Variants in CDHR5 observed in about 807,000 individuals in gnomAD.
CDHR5 encodes cadherin-related family member 5.
CDHR5 carries 82 observed loss-of-function variants against 69.5 expected under a neutral mutation model. The observed-to-expected ratio is 1.18, with a 90% CI of 0.99 to 1.42. CDHR5 has a LOEUF of 1.42. CDHR5 is among the 40% of genes most tolerant of loss of function. The pLI, the probability that CDHR5 is intolerant of heterozygous loss-of-function variation, is 0.00. For missense variants in CDHR5, 1,293 were observed against 1,168.9 expected, an observed-to-expected ratio of 1.11 and a Z score of -1.55; for synonymous variants, 601 against 510.2, an observed-to-expected ratio of 1.18 and a Z score of -2.40.
rs373354931 is a variant in CDHR5 at position 619,466 on chromosome 11, C to T, written c.1293+8G>A. ...CCCTTGGAGATGCCCGCCTGCCCTG[C>T]CCCGCACCTCTGCGTAGAAGGCTCC... On this transcript the variant is annotated splice_region_variant and intron_variant, in intron 11 of 14. Transcript: ENST00000397542. 1 of 1,609,258 alleles carries T rather than the reference C, an allele frequency of 6.2e-7. No individual in the cohort carries two copies. The highest frequency in any genetic ancestry group is 8.5e-7 in the Non-Finnish European group (1 of 1,175,650).
chr11:621,696 C>T lies in CDHR5; in HGVS notation c.406-33G>A, dbSNP rs372620325. 2.0e-3 allele frequency: 3,168 copies of T among 1,569,096 alleles called. 88 individuals carry two copies. In the South Asian group the frequency reaches 0.033, roughly 16 times the overall value. On this transcript the variant is annotated intron_variant, in intron 4 of 14. Coordinates refer to ENST00000397542, the MANE Select transcript of CDHR5 (RefSeq NM_021924.5). This position sits in a 1 kb window ranked among gnomAD's most constrained non-coding sequence, Gnocchi z 4.4. ...GGGAGAGGGGCTTGGTCCGGCCACA[C>T]TCTTGGCCCCTGTGGACCCCCACTG...
In CDHR5 at chr11:617,970, C is replaced by G. The variant is rs1288940650; in HGVS notation, c.2102G>C (p.Cys701Ser). ...GGGCCTCACCGGAGCTTTGCCACAG[C>G]AGCACTTGAGCCGGGGGCCATAGTG... The part of the protein sequence containing the change: ...HKHYGPRLKC[C>S]CGKAPEPQPQ... Residue 701 changes from cysteine to serine, a missense_variant, in exon 14 of 15, where the codon TGC (cysteine) becomes TCC (serine). Transcript: ENST00000397542. 1 of 1,611,820 alleles carries G rather than the reference C, an allele frequency of 6.2e-7. No homozygotes were observed. The highest frequency in any genetic ancestry group is 1.1e-5 in the South Asian group (1 of 90,772).
rs768159933 is a variant in CDHR5, at chr11:619,398, A to G, written c.1294-8T>C. ...CGTGTTGTGGGCCTCAACCTGGGGC[A>G]GGAAGGGGCTTGTCCCTCCTAGACA... On this transcript the variant is annotated splice_region_variant and splice_polypyrimidine_tract_variant and intron_variant, in intron 11 of 14. Transcript: ENST00000397542. 10 of 1,612,808 alleles carry G rather than the reference A, an allele frequency of 6.2e-6. No homozygotes were observed. The Admixed American group carries it at 1.7e-4, about 27-fold the overall frequency.
At chr11:622,294 TAAC>T (rs1397200242) in intron 3 of CDHR5, among the ~76,000 whole-genome samples, 1 of 152,354 alleles carries the variant, frequency 6.6e-6, no homozygotes, top group East Asian at 1.9e-4. Flanking sequence ...GCAGGACTTA[TAAC>T]AACAGACAAA....
Position 619,858 on chromosome 11 carries a change from G to T in CDHR5, c.1002C>A (p.Arg334=). ...CCACGGTGACCTGGGTCACTGAGTAGCGGGCAAGGTCGGCCTGTTGGCCCT... is the reference window on the plus strand; with the variant it reads ...CCACGGTGACCTGGGTCACTGAGTATCGGGCAAGGTCGGCCTGTTGGCCCT... ...LVKGQQADLA[R]YSVTQVTVEA... is the part of the protein sequence containing the mutation. Residue 334 remains arginine, a synonymous_variant, in exon 10 of 15, where the codon CGC becomes CGA. Transcript: ENST00000397542. 6.4e-7 allele frequency: 1 copy of T among 1,556,228 alleles called. No homozygotes were observed. Among genetic ancestry groups the T allele is most frequent in the Non-Finnish European group, 8.7e-7 (1 of 1,154,820 alleles).
Position 621,753 on chromosome 11 carries a change from G to T in CDHR5, c.405+59C>A. 1 of 1,562,970 alleles carries T rather than the reference G, an allele frequency of 6.4e-7. No individual in the cohort carries two copies. The highest frequency in any genetic ancestry group is 8.8e-7 in the Non-Finnish European group (1 of 1,135,046). On this transcript the variant is annotated intron_variant, in intron 4 of 14. Transcript: ENST00000397542. This position sits in a 1 kb window ranked among gnomAD's most constrained non-coding sequence, Gnocchi z 4.4. ...AGCCCCCGGCCACCACTCACCTCCT[G>T]CCCTCACCCTGGGCTCCCACACCCC...
chr11:618,816 C>T lies in CDHR5; in HGVS notation c.1743G>A (p.Pro581=), dbSNP rs772394034. The change falls in exon 13 of 15, where the codon CCG becomes CCA. Residue 581 remains proline (P), a synonymous_variant. Coordinates refer to ENST00000397542, the MANE Select transcript of CDHR5 (RefSeq NM_021924.5). ...TGCTGGTTCCCATACTGGGGGGCAT[C>T]GGCTGAGAGGTTCCTGGCTCTGGGG... The part of the protein sequence containing the change: ...AQTPEPGTSQ[P]MPPSMGTSTS... 4.1e-5 allele frequency: 66 copies of T among 1,610,920 alleles called. No homozygotes were observed. Among genetic ancestry groups the T allele is most frequent in the Admixed American group, 6.7e-5 (4 of 59,826 alleles).
At position 619,464 on chromosome 11, in the gene CDHR5, T is replaced by C; in HGVS notation, c.1293+10A>G. 6.2e-7 allele frequency: 1 copy of C among 1,609,440 alleles called. No individual in the cohort carries two copies. Among genetic ancestry groups the C allele is most frequent in the Non-Finnish European group, 8.5e-7 (1 of 1,175,862 alleles). ...CACCCTTGGAGATGCCCGCCTGCCC[T>C]GCCCCGCACCTCTGCGTAGAAGGCT... On this transcript the variant is annotated intron_variant, in intron 11 of 14. Coordinates refer to ENST00000397542, the MANE Select transcript of CDHR5 (RefSeq NM_021924.5).
At chr11:620,038 C>T in intron 9 of CDHR5, 29 bp downstream of exon 9, 1 of 1,527,164 alleles carries the variant, frequency 6.5e-7, no homozygotes, top group Non-Finnish European at 9.0e-7. Flanking sequence ...CCCCCTCTGC[C>T]CTGCCCCCCA....
At chr11:617,882 C>A (rs1187505405) in intron 14 of CDHR5, 72 bp downstream of exon 14, 1 of 1,543,386 alleles carries the variant, frequency 6.5e-7, no homozygotes. Context: ...GTCCCTCTGC[C>A]CTCCCCTCTC....
Position 619,155 on chromosome 11 carries a change from T to A in CDHR5, c.1404A>T (p.Gly468=). ...STDVPPSPEA[G]GTTGPWTSTT... ...TGCTGGTCCAGGGCCCAGTTGTTCC[T>A]CCAGCCTCTGGGGATGGGGGGACAT... The change falls in exon 13 of 15, where the codon GGA becomes GGT. Residue 468 remains glycine (G), a synonymous_variant. Coordinates refer to ENST00000397542, the MANE Select transcript of CDHR5 (RefSeq NM_021924.5). The A allele has an allele frequency of 6.4e-7, 1 of 1,559,114 alleles. No individual in the cohort carries two copies.
At position 621,534 on chromosome 11, in the gene CDHR5, G is replaced by C. The variant is rs11607129; in HGVS notation, c.507+28C>G. 6.3e-7 allele frequency: 1 copy of C among 1,595,218 alleles called. No individual in the cohort carries two copies. The highest frequency in any genetic ancestry group is 8.6e-7 in the Non-Finnish European group (1 of 1,162,994). On this transcript the variant is annotated intron_variant, in intron 5 of 14. Transcript: ENST00000397542. This position sits in a 1 kb window ranked among gnomAD's most constrained non-coding sequence, Gnocchi z 4.4. ...TGTGGGTGTCAGAGGCGAGGGGCTC[G>C]TGCTGGGGCAGGGTGGGCGGCACTG...
rs779610171 is a variant in CDHR5, at chr11:620,073, C to T, written c.972G>A (p.Leu324=). 4.3e-6 allele frequency: 7 copies of T among 1,610,836 alleles called. No individual in the cohort carries two copies. The highest frequency in any genetic ancestry group is 2.7e-5 in the African/African-American group (2 of 74,804). Residue 324 remains leucine (L), a synonymous_variant, in exon 9 of 15, where the codon CTG becomes CTA. Transcript: ENST00000397542. ...ATGCAGGTGCCCACCTCACCTTCAC[C>T]AGCAGAAGGAAGGTCATGGGGCTGG... is the stretch of plus-strand genomic sequence containing the variant. ...SVPSPMTFLL[L]VKGQQADLAR...
chr11:623,906 G>C (rs1334376008), intron 3 of CDHR5, among the ~76,000 whole-genome samples: 1 of 152,142 alleles, frequency 6.6e-6, no homozygotes, highest in Non-Finnish European at 1.5e-5. Flanking sequence ...TGGGGAGGGA[G>C]GGCGAGTGGG....
chr11:617,017 C>T lies in CDHR5; in HGVS notation c.*334G>A, dbSNP rs1436008958. The T allele has an allele frequency of 5.9e-6, 2 of 337,860 alleles. No individual in the cohort carries two copies. The highest frequency in any genetic ancestry group is 1.1e-4 in the East Asian group (2 of 18,952). 20.9% of individuals were successfully genotyped at this position (337,860 alleles called of 1,614,324 possible). ...CCGGTGCAGGTCGGGGGAGGGGAGCCCCCCTCGGGCTGTGGTTAGAGCGGG... is the reference window on the plus strand; with the variant it reads ...CCGGTGCAGGTCGGGGGAGGGGAGCTCCCCTCGGGCTGTGGTTAGAGCGGG... On this transcript the variant is annotated 3_prime_UTR_variant, in exon 15 of 15. Coordinates refer to ENST00000397542, the MANE Select transcript of CDHR5 (RefSeq NM_021924.5).
Position 624,658 on chromosome 11 carries a change from C to A in CDHR5, c.160G>T (p.Val54Phe). Reference protein sequence around the residue: ...NVTEPLVDIHVPEGQEVTLGA... With the variant: ...NVTEPLVDIHFPEGQEVTLGA... ...AGGGTCACCTCCTGGCCCTCCGGGA[C>A]GTGGATGTCCACCAGCGGCTCGGTG... is the stretch of plus-strand genomic sequence containing the variant. The change falls in exon 2 of 15, where the codon GTC (valine) becomes TTC (phenylalanine). Residue 54 changes from valine to phenylalanine, a missense_variant. By Grantham distance (50) the Val-to-Phe change is conservative. Transcript: ENST00000397542. This position sits in a 1 kb window ranked among gnomAD's most constrained non-coding sequence, Gnocchi z 5.3. 2 of 1,613,588 alleles carry A rather than the reference C, an allele frequency of 1.2e-6. No homozygotes were observed. The highest frequency in any genetic ancestry group is 1.1e-5 in the South Asian group (1 of 91,034).
chr11:616,946 AG>A lies in CDHR5; in HGVS notation c.*404del. 2 of 219,394 alleles carry A rather than the reference AG, an allele frequency of 9.1e-6. No individual in the cohort carries two copies. The highest frequency in any genetic ancestry group is 9.2e-6 in the Non-Finnish European group (1 of 108,756). The allele number at this position is 219,394 out of a possible 1,614,324, so 13.6% of individuals were successfully genotyped here. A position where few individuals can be genotyped will look rare whatever the true frequency, so the allele number is the denominator to read the frequency against. ...CAGCCTCCCCAGGCAATCTCTGTGT[AG>A]GGTCGGGAGCGGGAGGTCTGAGATG... is the stretch of plus-strand genomic sequence containing the variant. On this transcript the variant is annotated 3_prime_UTR_variant, in exon 15 of 15. Coordinates refer to ENST00000397542, the MANE Select transcript of CDHR5 (RefSeq NM_021924.5).
At position 619,561 on chromosome 11, in the gene CDHR5, T is replaced by C. The variant is rs750259431; in HGVS notation, c.1206A>G (p.Arg402=). 7 of 1,613,858 alleles carry C rather than the reference T, an allele frequency of 4.3e-6. No individual in the cohort carries two copies. The Admixed American group carries it at 1.2e-4, about 27-fold the overall frequency. ...FSDLNSAITY[R]ITNHSHFRME... ...TCCGGAAGTGTGAGTGGTTGGTAAT[T>C]CGATATGTGATGGCCGAGTTGAGGT... Residue 402 remains arginine, a synonymous_variant, in exon 11 of 15, where the codon CGA becomes CGG. Coordinates refer to ENST00000397542, the MANE Select transcript of CDHR5 (RefSeq NM_021924.5).
chr11:624,908 C>T lies in CDHR5; in HGVS notation c.-6G>A, dbSNP rs752279544. The T allele has an allele frequency of 1.9e-5, 29 of 1,545,534 alleles. 1 individual carries two copies. Among genetic ancestry groups the T allele is most frequent in the South Asian group, 1.1e-4 (9 of 85,156 alleles). On this transcript the variant is annotated 5_prime_UTR_variant, in exon 1 of 15. Transcript: ENST00000397542. This position sits in a 1 kb window ranked among gnomAD's most constrained non-coding sequence, Gnocchi z 5.3. Reference sequence around the variant, plus strand: ...AGCAGGGCCCAAGACCCCATCTTGGCGGCTGTCACCTGGCAGGAGGGTCTG... The same window carrying T: ...AGCAGGGCCCAAGACCCCATCTTGGTGGCTGTCACCTGGCAGGAGGGTCTG...
Sources: gnomAD v4.1 joint callset for allele counts (sites outside exome capture counted in the v4.1 genomes callset) on GRCh38, gnomAD v4.1.1 for gene constraint, Gnocchi (gnomAD v3.1) non-coding constraint, MANE v1.5 for transcripts, NCBI Gene and HGNC (gene_info 2026-07-23, HGNC 2026-07-21) for gene names.